Variants in XRCC4 observed in about 807,000 individuals in gnomAD.
XRCC4 encodes DNA repair protein XRCC4.
A neutral mutation model predicts 39.1 loss-of-function variants in XRCC4; 28 were observed. The ratio of observed to expected loss-of-function variants is 0.72; its 90% confidence interval spans 0.53 to 0.98. XRCC4 has a LOEUF of 0.98. Ranked by LOEUF, XRCC4 falls within the 50% of genes least tolerant of loss-of-function variation. The probability of loss-of-function intolerance (pLI) is 0.00; values close to 1 mark genes in which losing one functional copy is unlikely to be tolerated. For synonymous variants in XRCC4, 123 were observed against 126.4 expected (o/e 0.97, Z 0.18); for missense variants, 350 against 376.4 (o/e 0.93, Z 0.58).
intron 7 of XRCC4, 107 bp downstream of exon 7, chr5:83,258,784 A>T: frequency 7.8e-7 from 1 of 1,273,968 alleles, no homozygotes. Context: ...AGTTATTTTT[A>T]AGAAAATGTC....
At chr5:83,142,038 A>G (rs1748204842) in intron 3 of XRCC4, among the ~76,000 whole-genome samples, 1 of 152,138 alleles carries the variant, frequency 6.6e-6, no homozygotes, top group African/African-American at 2.4e-5. Flanking sequence ...CTTTTATTCA[A>G]AACTGTTGTC....
intron 2 of XRCC4, among the ~76,000 whole-genome samples, chr5:83,108,098 T>C (rs1015921721): frequency 1.8e-4 from 28 of 152,100 alleles, no homozygotes; most frequent in African/African-American, 6.7e-4. Context: ...ACCAGTTCCT[T>C]GTTTTTTGGT....
At chr5:83,364,512 T>C in the XRCC4 span, among the ~76,000 whole-genome samples, 2 of 152,168 alleles carry the variant, frequency 1.3e-5, no homozygotes, top group Admixed American at 6.5e-5. Context: ...TCCCTTCCTC[T>C]CCTTATCAGG....
In XRCC4 at chr5:83,353,721, CATT is replaced by C. The variant is rs1240355523; in HGVS notation, c.*480_*482del. The C allele has an allele frequency of 1.3e-5, 2 of 152,034 alleles. No individual in the cohort carries two copies. Among genetic ancestry groups the C allele is most frequent in the African/African-American group, 2.4e-5 (1 of 41,394 alleles). 9.4% of individuals were successfully genotyped at this position (152,034 alleles called of 1,614,324 possible). On this transcript the variant is annotated 3_prime_UTR_variant, in exon 8 of 8. Coordinates refer to ENST00000396027, the MANE Select transcript of XRCC4 (RefSeq NM_003401.5). ...AATATAATTTTAGTTTGTACATAAA[CATT>C]GTGAAAATCTGATAATAAAATTTTT...
intron 7 of XRCC4, among the ~76,000 whole-genome samples, chr5:83,273,471 G>A (rs953099593): frequency 1.3e-5 from 2 of 152,110 alleles, no homozygotes; most frequent in African/African-American, 4.8e-5. Context: ...ATTGCTTTTG[G>A]TGTTTTAGTC....
chr5:83,191,713 C>CA (rs907615264), intron 3 of XRCC4, among the ~76,000 whole-genome samples: 2 of 151,974 alleles, frequency 1.3e-5, no homozygotes, highest in African/African-American at 2.4e-5. Flanking sequence ...ACCCAAAAAA[C>CA]AAAAAACAGG....
At chr5:83,370,727 C>T in the XRCC4 span, among the ~76,000 whole-genome samples, 3 of 152,210 alleles carry the variant, frequency 2.0e-5, no homozygotes, top group East Asian at 5.8e-4. Flanking sequence ...AGCATTGACC[C>T]CAATTCCAGC....
intron 6 of XRCC4, among the ~76,000 whole-genome samples, chr5:83,249,087 A>AT (rs1186765808): frequency 6.6e-6 from 1 of 152,212 alleles, no homozygotes; most frequent in East Asian, 1.9e-4. Flanking sequence ...AGAATCAGGG[A>AT]TTTTTTTATA....
In XRCC4 at chr5:83,093,954, G is replaced by A. The variant is rs887670649; in HGVS notation, c.-10-10956G>A. ...TCAGCCCACTCTCTCCTGGTCTGGGGTTTCTGCTAAGAAGTTTATTGTTAT... is the reference window on the plus strand; with the variant it reads ...TCAGCCCACTCTCTCCTGGTCTGGGATTTCTGCTAAGAAGTTTATTGTTAT... On this transcript the variant is annotated intron_variant, in intron 1 of 7. Coordinates refer to ENST00000396027, the MANE Select transcript of XRCC4 (RefSeq NM_003401.5). Among the ~76,000 whole-genome samples, 7 of 152,054 alleles carry A rather than the reference G, an allele frequency of 4.6e-5. No homozygotes were observed. In the East Asian group the frequency reaches 1.4e-3, roughly 30 times the overall value.
At chr5:83,271,823 C>G (rs946700611) in intron 7 of XRCC4, among the ~76,000 whole-genome samples, 10 of 152,124 alleles carry the variant, frequency 6.6e-5, no homozygotes, top group African/African-American at 2.4e-4. Flanking sequence ...AAATGGGAAA[C>G]ATATATCTCC....
Position 83,302,592 on chromosome 5 carries a change from G to A in XRCC4, c.893+43915G>A, listed in dbSNP as rs141387100. Among the ~76,000 whole-genome samples the A allele has an allele frequency of 6.2e-3, 947 of 152,246 alleles. 8 individuals carry two copies. The highest frequency in any genetic ancestry group is 6.5e-3 in the Non-Finnish European group (442 of 68,026). On this transcript the variant is annotated intron_variant, in intron 7 of 7. Coordinates refer to ENST00000396027, the MANE Select transcript of XRCC4 (RefSeq NM_003401.5). The stretch of plus-strand genomic sequence containing the variant: ...GAAATGCAGAAATCACCTGGCTTCC[G>A]CTTGGTCTCAATGGAAGCTGCAGAC...
intron 7 of XRCC4, among the ~76,000 whole-genome samples, chr5:83,344,381 T>G (rs931147348): frequency 6.6e-6 from 1 of 151,256 alleles, no homozygotes; most frequent in African/African-American, 2.4e-5. Flanking sequence ...GCACTACAGA[T>G]GTGTACCACC....
chr5:83,139,572 G>T (rs1289304401), intron 3 of XRCC4, among the ~76,000 whole-genome samples: 1 of 152,114 alleles, frequency 6.6e-6, no homozygotes, highest in South Asian at 2.1e-4. Flanking sequence ...TTTAACAGTG[G>T]GGATATGTTC....
chr5:83,105,246 C>G (rs1052192614), intron 2 of XRCC4, among the ~76,000 whole-genome samples, 188 bp downstream of exon 2: 2 of 152,104 alleles, frequency 1.3e-5, no homozygotes, highest in African/African-American at 4.8e-5. Context: ...GAAAAACAAA[C>G]GTGTCCTAGA....
chr5:83,159,250 A>C (rs1749095605), intron 3 of XRCC4, among the ~76,000 whole-genome samples: 1 of 152,156 alleles, frequency 6.6e-6, no homozygotes, highest in Non-Finnish European at 1.5e-5. Context: ...ATTATATTTT[A>C]TTATATTTGC....
intron 1 of XRCC4, among the ~76,000 whole-genome samples, chr5:83,101,255 T>C: frequency 6.6e-6 from 1 of 152,084 alleles, no homozygotes; most frequent in East Asian, 1.9e-4. Context: ...TTCTCTAGTT[T>C]TGTTTATTAG....
At chr5:83,250,599 A>G (rs1753269614) in intron 6 of XRCC4, among the ~76,000 whole-genome samples, 1 of 152,208 alleles carries the variant, frequency 6.6e-6, no homozygotes, top group South Asian at 2.1e-4. Flanking sequence ...GGCTACCCAA[A>G]AGTTCTACCC....
At chr5:83,322,441 AATAAG>A (rs779431836) in intron 7 of XRCC4, among the ~76,000 whole-genome samples, 54 of 152,230 alleles carry the variant, frequency 3.5e-4, no homozygotes, top group Admixed American at 8.5e-4. Context: ...TACCAACATG[AATAAG>A]ATAACTTTCC....
intron 3 of XRCC4, among the ~76,000 whole-genome samples, chr5:83,117,631 ATGTGTGTGTGTGTGTGTGTG>A (rs70973379): frequency 1.4e-5 from 2 of 145,884 alleles, no homozygotes; most frequent in Non-Finnish European, 3.0e-5. Flanking sequence ...CTACATATAT[ATGTGTGTGTGTGTGTGTGTG>A]TGTGTGTGTG....
Sources: gnomAD v4.1 joint callset for allele counts (sites outside exome capture counted in the v4.1 genomes callset) on GRCh38, gnomAD v4.1.1 for gene constraint, MANE v1.5 for transcripts, NCBI Gene and HGNC (gene_info 2026-07-23, HGNC 2026-07-21) for gene names.